TBC1D15: variants seen among roughly 807,000 people sequenced by gnomAD.
TBC1D15 encodes the protein GAP for RAB7.
In TBC1D15, 39 loss-of-function variants were observed where a neutral mutation model predicts 95.4. The ratio of observed to expected loss-of-function variants is 0.41; its 90% CI spans 0.32 to 0.53. TBC1D15 has a LOEUF of 0.53. TBC1D15 is among the 20% of genes least tolerant of loss of function. The pLI is 0.29. For synonymous variants in TBC1D15, 258 were observed against 261.3 expected (o/e 0.99, Z 0.12); for missense variants, 733 against 794.3 (o/e 0.92, Z 0.93).
At chr12:71,884,234 A>G (rs1895779293) in intron 4 of TBC1D15, among the ~76,000 whole-genome samples, 1 of 152,212 alleles carries the variant, frequency 6.6e-6, no homozygotes, top group Non-Finnish European at 1.5e-5. Flanking sequence ...TTACAAAAGG[A>G]AATGAAGGAA....
chr12:71,839,792 C>A lies in TBC1D15; in HGVS notation c.11C>A (p.Ala4Glu). The A allele has an allele frequency of 6.2e-7, 1 of 1,614,148 alleles. No individual in the cohort carries two copies. Among genetic ancestry groups the A allele is most frequent in the Non-Finnish European group, 8.5e-7 (1 of 1,180,024 alleles). Residue 4 changes from alanine to glutamate, a missense_variant, in exon 1 of 17, where the codon GCG (alanine) becomes GAG (glutamate). Ala to Glu is a moderately radical substitution (Grantham distance 107). Transcript: ENST00000485960. ...GCACGCGCAGGAAACATGGCGGCGG[C>A]GGGTGTTGTGAGCGGGAAGGTAGGT... is the stretch of plus-strand genomic sequence containing the variant. Reference protein sequence around the residue: MAAAGVVSGKIIYE... With the variant: MAAEGVVSGKIIYE...
At chr12:71,887,062 T>A (rs1346005438) in intron 5 of TBC1D15, among the ~76,000 whole-genome samples, 1 of 152,180 alleles carries the variant, frequency 6.6e-6, no homozygotes, top group African/African-American at 2.4e-5. Flanking sequence ...CTACCTATTC[T>A]ATAGGTAAGA....
rs969257852 is a variant in TBC1D15 at position 71,892,858 on chromosome 12, A to G, written c.555-364A>G. Among the ~76,000 whole-genome samples, 4 of 151,656 alleles carry G rather than the reference A, an allele frequency of 2.6e-5. No individual in the cohort carries two copies. The South Asian group carries it at 8.3e-4, about 32-fold the overall frequency. ...CCTAATGTCTGTTTTGGCTTTCTTT[A>G]ATTTTTATGATAATAAAGCCAGCTA... On this transcript the variant is annotated intron_variant, in intron 5 of 16. Coordinates refer to ENST00000485960, the MANE Select transcript of TBC1D15 (RefSeq NM_001146213.3).
chr12:71,848,697 A>G (rs1886959969), intron 1 of TBC1D15, among the ~76,000 whole-genome samples: 1 of 152,136 alleles, frequency 6.6e-6, no homozygotes. Flanking sequence ...AAATAATGTT[A>G]TGTCAAAGTT....
In TBC1D15 at chr12:71,911,000, C is replaced by T. The variant is rs576321656; in HGVS notation, c.1301-2826C>T. Reference sequence around the variant, plus strand: ...CACTTCTCAAAAGAAGACATTTATGCAGCCAAAAAACACACGAAAAAATGC... The same window carrying T: ...CACTTCTCAAAAGAAGACATTTATGTAGCCAAAAAACACACGAAAAAATGC... On this transcript the variant is annotated intron_variant, in intron 11 of 16. Transcript: ENST00000485960. Among the ~76,000 whole-genome samples the T allele has an allele frequency of 1.1e-4, 16 of 152,272 alleles. No homozygotes were observed. The East Asian group carries it at 3.1e-3, about 29-fold the overall frequency.
intron 3 of TBC1D15, among the ~76,000 whole-genome samples, chr12:71,874,883 A>G (rs1482031743): frequency 6.6e-6 from 1 of 151,640 alleles, no homozygotes; most frequent in Non-Finnish European, 1.5e-5. Context: ...TCTGCCTCCC[A>G]AAGTGCTGAG....
At chr12:71,874,870 G>A (rs980004160) in intron 3 of TBC1D15, among the ~76,000 whole-genome samples, 2 of 151,910 alleles carry the variant, frequency 1.3e-5, no homozygotes, top group African/African-American at 2.4e-5. Context: ...TGATCTGCCC[G>A]CCTCTGCCTC....
At position 71,894,692 on chromosome 12, in the gene TBC1D15, A is replaced by C; in HGVS notation, c.664A>C (p.Lys222Gln). Residue 222 changes from lysine to glutamine, a missense_variant, in exon 7 of 17, where the codon AAA becomes CAA. By Grantham distance (53) the Lys-to-Gln change is moderately conservative. Transcript: ENST00000485960. ...EPAYGLIQKI[K>Q]KDPYTATMIG... is the part of the protein sequence containing the mutation. ...TTTTCTTCCTACTGCATAGAAAATTAAAAAGGACCCTTATACGGCAACTAT... is the reference window on the plus strand; with the variant it reads ...TTTTCTTCCTACTGCATAGAAAATTCAAAAGGACCCTTATACGGCAACTAT... 6.2e-7 allele frequency: 1 copy of C among 1,609,660 alleles called. No individual in the cohort carries two copies. The highest frequency in any genetic ancestry group is 1.1e-5 in the South Asian group (1 of 90,016).
At chr12:71,850,597 C>T (rs78409118) in intron 1 of TBC1D15, among the ~76,000 whole-genome samples, 4,176 of 151,820 alleles carry the variant, frequency 0.028, 89 homozygotes, top group Non-Finnish European at 0.038. Flanking sequence ...GTTTTGTGGA[C>T]GTGGGGTCTA....
At chr12:71,864,816 G>C (rs1235331783) in intron 1 of TBC1D15, among the ~76,000 whole-genome samples, 1 of 152,070 alleles carries the variant, frequency 6.6e-6, no homozygotes, top group Non-Finnish European at 1.5e-5. Flanking sequence ...ACCTACAGTT[G>C]GGTTTTAATT....
At chr12:71,863,436 A>G (rs373806652) in intron 1 of TBC1D15, among the ~76,000 whole-genome samples, 1 of 152,172 alleles carries the variant, frequency 6.6e-6, no homozygotes, top group African/African-American at 2.4e-5. Flanking sequence ...ACTTCCTTAT[A>G]TGTGACTTGA....
chr12:71,913,988 G>A, intron 12 of TBC1D15, 62 bp downstream of exon 12: 1 of 1,229,186 alleles, frequency 8.1e-7, no homozygotes, highest in Non-Finnish European at 1.1e-6. Context: ...TAATTTTATA[G>A]TATAAGGTTG....
intron 1 of TBC1D15, among the ~76,000 whole-genome samples, chr12:71,851,308 C>G (rs1343722689): frequency 6.6e-6 from 1 of 151,952 alleles, no homozygotes; most frequent in African/African-American, 2.4e-5. Context: ...ACTATTACCT[C>G]CCCCCAGGCC....
At chr12:71,896,890 A>C in intron 9 of TBC1D15, 110 bp downstream of exon 9, 1 of 680,042 alleles carries the variant, frequency 1.5e-6, no homozygotes, top group Non-Finnish European at 2.3e-6. Context: ...GAATGGAAAA[A>C]CAACTTCATT....
chr12:71,913,541 T>G (rs926940845), intron 11 of TBC1D15: 4 of 271,834 alleles, frequency 1.5e-5, no homozygotes, highest in African/African-American at 9.3e-5. Context: ...TTGCACATTA[T>G]TTTTAAAAAT....
chr12:71,861,455 CTT>C (rs781212002), intron 1 of TBC1D15: 1 of 1,530,816 alleles, frequency 6.5e-7, no homozygotes, highest in Non-Finnish European at 8.8e-7. Context: ...GTGTCCAGGA[CTT>C]TATCCATACT....
intron 1 of TBC1D15, among the ~76,000 whole-genome samples, chr12:71,866,418 G>C (rs755319442): frequency 6.6e-6 from 1 of 152,186 alleles, no homozygotes; most frequent in Non-Finnish European, 1.5e-5. Context: ...CTAAGTTGTT[G>C]GTGGAGGCTG....
chr12:71,865,548 C>T (rs1393745067), intron 1 of TBC1D15, among the ~76,000 whole-genome samples: 1 of 152,034 alleles, frequency 6.6e-6, no homozygotes, highest in Non-Finnish European at 1.5e-5. Context: ...GCAGCAAGTA[C>T]CTCAGAATGG....
chr12:71,853,561 A>C (rs1308805111), intron 1 of TBC1D15, among the ~76,000 whole-genome samples: 3 of 152,100 alleles, frequency 2.0e-5, no homozygotes, highest in African/African-American at 7.2e-5. Flanking sequence ...ATTGTAATTG[A>C]TTACTTTTTT....
Sources: gnomAD v4.1 joint callset for allele counts (sites outside exome capture counted in the v4.1 genomes callset) on GRCh38, gnomAD v4.1.1 for gene constraint, MANE v1.5 for transcripts, NCBI Gene and HGNC (gene_info 2026-07-23, HGNC 2026-07-21) for gene names.